LYPLAL1: variants seen among roughly 807,000 people sequenced by gnomAD.
The protein encoded by LYPLAL1 is lysophospholipase like 1, also known as lysophospholipase-like protein 1.
LYPLAL1 carries 23 observed loss-of-function variants against 19.7 expected under a neutral mutation model. That is an observed-to-expected ratio of 1.17 (90% CI 0.84 to 1.65). LYPLAL1 has a LOEUF of 1.65. Ranked by LOEUF, LYPLAL1 falls within the 40% of genes most tolerant of loss-of-function variation. The pLI is 0.00. For missense variants in LYPLAL1, 355 were observed against 279.4 expected (o/e 1.27, Z -1.93); for synonymous variants, 119 against 96.3 (o/e 1.24, Z -1.38).
At chr1:219,217,918 G>A in the LYPLAL1 span, among the ~76,000 whole-genome samples, 2 of 152,030 alleles carry the variant, frequency 1.3e-5, no homozygotes, top group East Asian at 1.9e-4. Flanking sequence ...TTATGTGTTG[G>A]GGGAACTGGA....
the LYPLAL1 span, among the ~76,000 whole-genome samples, chr1:219,240,355 C>T: frequency 9.2e-5 from 14 of 152,138 alleles, 1 homozygote; most frequent in Admixed American, 2.6e-4. Context: ...ATGAAACTGA[C>T]ATGACAAAGT....
the LYPLAL1 span, among the ~76,000 whole-genome samples, chr1:219,256,841 C>A: frequency 0.47 from 70,628 of 151,654 alleles, 16,816 homozygotes; most frequent in East Asian, 0.66. Flanking sequence ...TATACTACTT[C>A]TTTTCCAACC....
the LYPLAL1 span, among the ~76,000 whole-genome samples, chr1:219,307,017 C>CACAT: frequency 6.8e-4 from 76 of 111,708 alleles, 4 homozygotes; most frequent in Non-Finnish European, 3.7e-5. Flanking sequence ...GATATATATA[C>CACAT]ACATACATAT....
At chr1:219,392,032 G>T in the LYPLAL1 span, among the ~76,000 whole-genome samples, 4 of 152,050 alleles carry the variant, frequency 2.6e-5, no homozygotes, top group South Asian at 4.2e-4. Flanking sequence ...ATCCCATAAA[G>T]GTACCTAGGG....
intron 4 of LYPLAL1, among the ~76,000 whole-genome samples, 172 bp from the exon 5 acceptor site, chr1:219,211,319 TC>T (rs1424498045): frequency 6.6e-6 from 1 of 152,064 alleles, no homozygotes; most frequent in Non-Finnish European, 1.5e-5. Context: ...ACCAGCTAAG[TC>T]CCCAGGCCTG....
At chr1:219,300,341 C>G in the LYPLAL1 span, among the ~76,000 whole-genome samples, 3 of 151,874 alleles carry the variant, frequency 2.0e-5, no homozygotes, top group South Asian at 6.2e-4. Flanking sequence ...AAATTATTAT[C>G]TTTTGGGGCA....
chr1:219,211,253 G>C (rs768888312), intron 4 of LYPLAL1, among the ~76,000 whole-genome samples: 4 of 151,960 alleles, frequency 2.6e-5, no homozygotes, highest in Non-Finnish European at 4.4e-5. Context: ...TTTTTAAGAC[G>C]TCCTCTATAG....
chr1:219,419,594 C>CACACACACACACACACAGAG, the LYPLAL1 span, among the ~76,000 whole-genome samples: 9 of 99,602 alleles, frequency 9.0e-5, no homozygotes, highest in African/African-American at 2.8e-4. Context: ...CACACACACA[C>CACACACACACACACACAGAG]AGAGAGAGAG....
the LYPLAL1 span, among the ~76,000 whole-genome samples, chr1:219,373,889 A>AC: frequency 6.6e-6 from 1 of 151,058 alleles, no homozygotes; most frequent in African/African-American, 2.4e-5. Flanking sequence ...AAACAAAAAA[A>AC]AAAACACAAA....
At chr1:219,436,217 C>A in the LYPLAL1 span, among the ~76,000 whole-genome samples, 1 of 152,168 alleles carries the variant, frequency 6.6e-6, no homozygotes, top group South Asian at 2.1e-4. Flanking sequence ...AGGCTTTGGC[C>A]ACTTGGACAT....
the LYPLAL1 span, among the ~76,000 whole-genome samples, chr1:219,286,324 A>G: frequency 6.6e-6 from 1 of 152,208 alleles, no homozygotes; most frequent in Non-Finnish European, 1.5e-5. Context: ...AACAAGCACA[A>G]TATTGATGAA....
the LYPLAL1 span, among the ~76,000 whole-genome samples, chr1:219,284,157 G>T: frequency 2.0e-5 from 3 of 152,106 alleles, no homozygotes; most frequent in South Asian, 6.2e-4. Flanking sequence ...TTCCTCTTCT[G>T]CCATGATTAT....
the LYPLAL1 span, among the ~76,000 whole-genome samples, chr1:219,239,716 G>A: frequency 6.6e-6 from 1 of 152,098 alleles, no homozygotes; most frequent in Non-Finnish European, 1.5e-5. Context: ...GGCAATCTTG[G>A]CAGATCTTCA....
chr1:219,296,302 G>T, the LYPLAL1 span, among the ~76,000 whole-genome samples: 2 of 152,200 alleles, frequency 1.3e-5, no homozygotes, highest in African/African-American at 4.8e-5. Flanking sequence ...AGGTTTCTGG[G>T]TTATGTTCCA....
the LYPLAL1 span, among the ~76,000 whole-genome samples, chr1:219,343,601 A>G: frequency 5.8e-4 from 88 of 152,310 alleles, no homozygotes; most frequent in African/African-American, 2.0e-3. Flanking sequence ...TTTCAATACT[A>G]TTCTAAATAG....
chr1:219,429,265 A>T, the LYPLAL1 span, among the ~76,000 whole-genome samples: 74 of 152,202 alleles, frequency 4.9e-4, no homozygotes, highest in Admixed American at 2.1e-3. Flanking sequence ...TAATTATGGC[A>T]TATGTGAGAA....
the LYPLAL1 span, among the ~76,000 whole-genome samples, chr1:219,286,191 A>AGTGC: frequency 6.6e-6 from 1 of 152,268 alleles, no homozygotes; most frequent in East Asian, 1.9e-4. Flanking sequence ...TGACAGTTGC[A>AGTGC]ATAGGCTGGC....
the LYPLAL1 span, among the ~76,000 whole-genome samples, chr1:219,242,103 G>T: frequency 6.6e-6 from 1 of 152,148 alleles, no homozygotes; most frequent in Non-Finnish European, 1.5e-5. Flanking sequence ...GCGCTATTAA[G>T]TTGAGAGGGT....
the LYPLAL1 span, chr1:219,222,432 TGA>T: frequency 1.3e-5 from 2 of 152,150 alleles, no homozygotes; most frequent in Non-Finnish European, 2.9e-5. Flanking sequence ...GAAATCTCCC[TGA>T]GAGGGCCAAA....
Sources: allele counts gnomAD v4.1 joint callset (sites outside exome capture counted in the v4.1 genomes callset), GRCh38; gene constraint gnomAD v4.1.1; transcripts MANE v1.5; gene names NCBI Gene and HGNC (gene_info 2026-07-23, HGNC 2026-07-21).